Variants in AFAP1L1 observed in about 807,000 individuals in gnomAD.
The protein encoded by AFAP1L1 is actin filament-associated protein 1-like 1.
Under a neutral mutation model 99.8 loss-of-function variants are expected in AFAP1L1, and 77 were observed. That is an observed-to-expected ratio of 0.77 (90% CI 0.64 to 0.93). The LOEUF is 0.93. Among genes scored for constraint, AFAP1L1 ranks in the 40% least tolerant of loss-of-function variants. The pLI is 0.00. For missense variants in AFAP1L1, 893 were observed against 996.8 expected (o/e 0.90, Z 1.40); for synonymous variants, 373 against 395.3 (o/e 0.94, Z 0.67).
rs112406165 is a variant in AFAP1L1, at chr5:149,299,609, C to A, written c.117C>A (p.Ser39=). 3.7e-6 allele frequency: 6 copies of A among 1,614,076 alleles called. No individual in the cohort carries two copies. The South Asian group carries it at 6.6e-5, about 18-fold the overall frequency. ...TTLEKKMAVA[S]ILQSLQPLPA... ...TGGAAAAGAAGATGGCCGTGGCCTC[C>A]ATCCTGCAGAGCCTGCAGCCCCTTC... Residue 39 remains serine, a synonymous_variant, in exon 2 of 19, where the codon TCC becomes TCA. Transcript: ENST00000296721.
intron 14 of AFAP1L1, 150 bp from the exon 15 acceptor site, chr5:149,322,456 T>G: frequency 1.8e-6 from 1 of 545,816 alleles, no homozygotes; most frequent in Non-Finnish European, 3.2e-6. Context: ...CAAAAGTGCT[T>G]TATGATTTTT....
At chr5:149,335,474 ACT>A in intron 17 of AFAP1L1, 118 bp from the exon 18 acceptor site, 2 of 1,326,298 alleles carry the variant, frequency 1.5e-6, no homozygotes, top group Non-Finnish European at 2.0e-6. Flanking sequence ...GGTGACAGAG[ACT>A]CTGTCTCAAA....
chr5:149,308,669 A>G (rs557346860), intron 7 of AFAP1L1, among the ~76,000 whole-genome samples: 17 of 152,314 alleles, frequency 1.1e-4, no homozygotes, highest in East Asian at 1.9e-4. Flanking sequence ...TCCAGGGGAC[A>G]TGACCATCCT....
intron 1 of AFAP1L1, among the ~76,000 whole-genome samples, chr5:149,289,092 GC>G (rs1450827547): frequency 6.6e-6 from 1 of 152,132 alleles, no homozygotes; most frequent in African/African-American, 2.4e-5. Flanking sequence ...CTGTGCATGG[GC>G]TTTCTAAGCC....
At chr5:149,310,538 A>G (rs1455843824) in intron 8 of AFAP1L1, among the ~76,000 whole-genome samples, 2 of 152,202 alleles carry the variant, frequency 1.3e-5, no homozygotes, top group African/African-American at 2.4e-5. Context: ...ATGACCACCC[A>G]TGGGCCAGTT....
intron 4 of AFAP1L1, 28 bp from the exon 5 acceptor site, chr5:149,302,390 C>A (rs1756252123): frequency 1.9e-6 from 3 of 1,542,012 alleles, no homozygotes. Context: ...GCTCCGCTCC[C>A]CTAGCCCTCT....
intron 5 of AFAP1L1, among the ~76,000 whole-genome samples, chr5:149,303,791 A>G (rs376497018): frequency 8.1e-4 from 124 of 152,296 alleles, no homozygotes; most frequent in African/African-American, 3.0e-3. Context: ...GGTGAAGGGA[A>G]CGTATTTTTT....
intron 5 of AFAP1L1, among the ~76,000 whole-genome samples, chr5:149,304,935 T>C (rs1271217950): frequency 5.3e-5 from 7 of 132,454 alleles, no homozygotes; most frequent in Non-Finnish European, 1.1e-4. Context: ...TGAGAGTGAG[T>C]TGGACTGGGT....
Position 149,309,998 on chromosome 5 carries a change from G to C in AFAP1L1, c.790G>C (p.Ala264Pro). 1 of 1,614,236 alleles carries C rather than the reference G, an allele frequency of 6.2e-7. No individual in the cohort carries two copies. Among genetic ancestry groups the C allele is most frequent in the East Asian group, 2.2e-5 (1 of 44,882 alleles). Residue 264 changes from alanine to proline, a missense_variant, in exon 8 of 19, where the codon GCA becomes CCA. Coordinates refer to ENST00000296721, the MANE Select transcript of AFAP1L1 (RefSeq NM_152406.4). ...SKDRQPHLRL[A>P]LDTCSIIYVP... ...GGATCGGCAGCCACATCTGAGGTTG[G>C]CACTGGATACCTGCAGCATCATCTA...
At chr5:149,335,539 G>A (rs1757382435) in intron 17 of AFAP1L1, 55 bp from the exon 18 acceptor site, 1 of 1,584,480 alleles carries the variant, frequency 6.3e-7, no homozygotes, top group African/African-American at 1.4e-5. Flanking sequence ...CAGGCTGGGT[G>A]TGTAGGTAGC....
At chr5:149,277,106 A>G (rs1755357683) in intron 1 of AFAP1L1, among the ~76,000 whole-genome samples, 2 of 152,324 alleles carry the variant, frequency 1.3e-5, no homozygotes, top group South Asian at 2.1e-4. Flanking sequence ...TTAATGTCCA[A>G]CATTATGTCT....
intron 1 of AFAP1L1, among the ~76,000 whole-genome samples, chr5:149,293,308 C>G (rs997500399): frequency 2.6e-5 from 4 of 152,186 alleles, no homozygotes; most frequent in Non-Finnish European, 5.9e-5. Context: ...CCCAGAGGCC[C>G]ACAGCTAGAA....
intron 7 of AFAP1L1, 52 bp downstream of exon 7, chr5:149,307,665 G>GA: frequency 6.4e-7 from 1 of 1,567,858 alleles, no homozygotes; most frequent in Non-Finnish European, 8.7e-7. Context: ...ACTTGCATGT[G>GA]GGTGTGTCTC....
At chr5:149,307,818 TTCTCTCTCTCTCTC>T (rs70973517) in intron 7 of AFAP1L1, among the ~76,000 whole-genome samples, 2 of 100,566 alleles carry the variant, frequency 2.0e-5, no homozygotes, top group African/African-American at 3.9e-5. Context: ...GTGCCTCTCT[TTCTCTCTCTCTCTC>T]TCTCTCTCTC....
chr5:149,303,322 A>G (rs1756292502), intron 5 of AFAP1L1, among the ~76,000 whole-genome samples: 1 of 152,088 alleles, frequency 6.6e-6, no homozygotes, highest in Admixed American at 6.6e-5. Flanking sequence ...CATAAAGGAG[A>G]GTCTTTGGTC....
chr5:149,320,816 G>A lies in AFAP1L1; in HGVS notation c.1698+353G>A, dbSNP rs1331362599. 6.6e-6 allele frequency among the ~76,000 whole-genome samples: 1 copy of A among 152,222 alleles called. No individual in the cohort carries two copies. Among genetic ancestry groups the A allele is most frequent in the Non-Finnish European group, 1.5e-5 (1 of 68,042 alleles). On this transcript the variant is annotated intron_variant, in intron 14 of 18. Coordinates refer to ENST00000296721, the MANE Select transcript of AFAP1L1 (RefSeq NM_152406.4). The surrounding 1 kb of genome is among the most constrained non-coding windows in gnomAD (Gnocchi z 4.0). ...GCTGATTCCGTGGTGTCTGGGGCAG[G>A]TCCTGACTCTGGGACCACCCCGCAA...
In AFAP1L1 at chr5:149,275,245, C is replaced by T. The variant is rs573933123; in HGVS notation, c.16+3261C>T. Among the ~76,000 whole-genome samples the T allele has an allele frequency of 2.0e-5, 3 of 152,296 alleles. No homozygotes were observed. In the East Asian group the frequency reaches 5.8e-4, roughly 29 times the overall value. On this transcript the variant is annotated intron_variant, in intron 1 of 18. Coordinates refer to ENST00000296721, the MANE Select transcript of AFAP1L1 (RefSeq NM_152406.4). ...CCAGGGTATTAGCCAGCAAGGGCTG[C>T]AATAACAGAATACACAGACTGGGTG... is the stretch of plus-strand genomic sequence containing the variant.
chr5:149,302,525 C>T lies in AFAP1L1; in HGVS notation c.435C>T (p.His145=). Residue 145 remains histidine (H), a splice_region_variant and synonymous_variant, in exon 5 of 19, where the codon CAC becomes CAT. Transcript: ENST00000296721. ...PGKSPEYISS[H]NGCSPSHSIV... Reference sequence around the variant, plus strand: ...AGTCGCCTGAGTACATCAGCTCCCACAGTAAGTTCTGGTCCTCTTGGTGGG... The same window carrying T: ...AGTCGCCTGAGTACATCAGCTCCCATAGTAAGTTCTGGTCCTCTTGGTGGG... 1.3e-6 allele frequency: 2 copies of T among 1,576,338 alleles called. No individual in the cohort carries two copies. Among genetic ancestry groups the T allele is most frequent in the Non-Finnish European group, 1.7e-6 (2 of 1,160,220 alleles).
chr5:149,301,585 A>G (rs1756214768), intron 4 of AFAP1L1, among the ~76,000 whole-genome samples: 1 of 152,170 alleles, frequency 6.6e-6, no homozygotes, highest in Non-Finnish European at 1.5e-5. Flanking sequence ...AAGCCAGGCT[A>G]TGGAAAAAGC....
Sources: allele counts gnomAD v4.1 joint callset (sites outside exome capture counted in the v4.1 genomes callset), GRCh38; gene constraint gnomAD v4.1.1; non-coding constraint Gnocchi (gnomAD v3.1); transcripts MANE v1.5; gene names NCBI Gene and HGNC (gene_info 2026-07-23, HGNC 2026-07-21).